The following EYS variants were observed in gnomAD, a reference collection of about 807,000 sequenced individuals.
EYS encodes protein eyes shut homolog.
In EYS, 250 loss-of-function variants were observed where a neutral mutation model predicts 282.1. The observed-to-expected ratio is 0.89, with a 90% CI of 0.80 to 0.98. The LOEUF is 0.98. Among genes scored for constraint, EYS ranks in the 50% least tolerant of loss-of-function variants. EYS has a pLI of 0.00. For synonymous variants in EYS, 1,355 were observed against 1,282.9 expected, an observed-to-expected ratio of 1.06 and a Z score of -1.20; for missense variants, 4,016 against 3,709.0, an observed-to-expected ratio of 1.08 and a Z score of -2.15.
intron 12 of EYS, among the ~76,000 whole-genome samples, chr6:65,290,238 ACT>A (rs969365693): frequency 1.9e-4 from 29 of 151,148 alleles, no homozygotes; most frequent in Non-Finnish European, 3.3e-4. Context: ...TGGAGAAAGG[ACT>A]CTGTCATTAA....
At chr6:65,192,829 T>A (rs1765674386) in intron 12 of EYS, among the ~76,000 whole-genome samples, 1 of 151,838 alleles carries the variant, frequency 6.6e-6, no homozygotes, top group African/African-American at 2.4e-5. Flanking sequence ...GTACATAAAA[T>A]ATTTTCTCAC....
At chr6:63,937,340 CTTTTCTTTTTTTT>C (rs1765089703) in intron 35 of EYS, among the ~76,000 whole-genome samples, 2 of 46,090 alleles carry the variant, frequency 4.3e-5, no homozygotes, top group Non-Finnish European at 9.3e-5. Flanking sequence ...AGGCTTCTCT[CTTTTCTTTTTTTT>C]TTTTTTTTTT....
chr6:65,633,988 T>A (rs921965398), intron 2 of EYS, among the ~76,000 whole-genome samples: 2 of 152,222 alleles, frequency 1.3e-5, no homozygotes, highest in East Asian at 3.9e-4. Context: ...AAAGTATACT[T>A]CCAGACTCTT....
At chr6:64,652,555 C>G (rs906639450) in intron 22 of EYS, among the ~76,000 whole-genome samples, 5 of 152,188 alleles carry the variant, frequency 3.3e-5, no homozygotes, top group African/African-American at 1.2e-4. Flanking sequence ...CCCCAACAAA[C>G]ACTCTGATTT....
intron 8 of EYS, among the ~76,000 whole-genome samples, chr6:65,358,599 AGTGTGTGTGT>A (rs61588307): frequency 5.9e-4 from 83 of 140,842 alleles, no homozygotes; most frequent in South Asian, 9.6e-4. Context: ...AGGTTTCTGA[AGTGTGTGTGT>A]GTGTGTGTGT....
intron 2 of EYS, among the ~76,000 whole-genome samples, chr6:65,526,831 G>T (rs912026075): frequency 1.3e-5 from 2 of 151,988 alleles, no homozygotes; most frequent in African/African-American, 4.8e-5. Context: ...ATTTAAAAAA[G>T]ACTGCTAATC....
At chr6:64,965,136 A>G (rs1423198281) in intron 14 of EYS, among the ~76,000 whole-genome samples, 1 of 152,176 alleles carries the variant, frequency 6.6e-6, no homozygotes, top group Non-Finnish European at 1.5e-5. Context: ...TAAAACTGCA[A>G]AATTGAAGCA....
intron 15 of EYS, among the ~76,000 whole-genome samples, chr6:64,939,442 GA>G (rs1323137166): frequency 6.6e-6 from 1 of 151,866 alleles, no homozygotes; most frequent in African/African-American, 2.4e-5. Context: ...TATCTAGAAA[GA>G]CTGATTATGT....
chr6:65,173,066 G>T (rs891911914), intron 12 of EYS, among the ~76,000 whole-genome samples: 1 of 151,154 alleles, frequency 6.6e-6, no homozygotes. Flanking sequence ...GCTTTATCAA[G>T]AAGATAATAA....
intron 26 of EYS, among the ~76,000 whole-genome samples, chr6:64,440,562 A>T (rs1949180556): frequency 6.6e-6 from 1 of 152,088 alleles, no homozygotes; most frequent in South Asian, 2.1e-4. Context: ...TTCAATTTTG[A>T]CATTCTAATT....
chr6:65,384,533 A>C, intron 7 of EYS, 33 bp from the exon 8 acceptor site: 1 of 1,050,508 alleles, frequency 9.5e-7, no homozygotes, highest in South Asian at 1.3e-5. Flanking sequence ...TAGAAAAATT[A>C]TAATTTAAAT....
At chr6:64,219,367 T>C (rs1456115181) in intron 31 of EYS, among the ~76,000 whole-genome samples, 1 of 152,236 alleles carries the variant, frequency 6.6e-6, no homozygotes, top group East Asian at 1.9e-4. Context: ...AGAAATCTGA[T>C]AGAACATTTC....
chr6:64,860,997 C>T (rs926299056), intron 19 of EYS, among the ~76,000 whole-genome samples: 3 of 152,284 alleles, frequency 2.0e-5, no homozygotes, highest in Admixed American at 1.3e-4. Flanking sequence ...GAAAAAGCAC[C>T]ATGAGTTCCT....
At chr6:64,216,103 T>C (rs1765918688) in intron 31 of EYS, among the ~76,000 whole-genome samples, 1 of 152,136 alleles carries the variant, frequency 6.6e-6, no homozygotes, top group African/African-American at 2.4e-5. Context: ...AGGCATTGGA[T>C]TGTGAAGGAC....
At chr6:64,016,720 C>T (rs1267781955) in intron 33 of EYS, among the ~76,000 whole-genome samples, 1 of 152,006 alleles carries the variant, frequency 6.6e-6, no homozygotes, top group East Asian at 1.9e-4. Context: ...AAGCTATCTG[C>T]CTATGTTGGC....
chr6:65,640,501 A>C (rs902868037), intron 1 of EYS, among the ~76,000 whole-genome samples: 1 of 152,208 alleles, frequency 6.6e-6, no homozygotes, highest in African/African-American at 2.4e-5. Context: ...TGTTGAAAGC[A>C]AAATCAGCTA....
intron 29 of EYS, among the ~76,000 whole-genome samples, chr6:64,382,929 G>A (rs1772795254): frequency 1.3e-5 from 2 of 152,132 alleles, no homozygotes; most frequent in Non-Finnish European, 2.9e-5. Context: ...CTGTTGGGTA[G>A]GAGCCAGTTT....
chr6:64,808,050 T>G (rs1011278814), intron 22 of EYS, among the ~76,000 whole-genome samples: 4 of 92,718 alleles, frequency 4.3e-5, no homozygotes, highest in African/African-American at 1.4e-4. Flanking sequence ...CTCCTTTCCC[T>G]TCTTCCCTTC....
At chr6:64,600,636 T>C (rs892659624) in intron 24 of EYS, among the ~76,000 whole-genome samples, 1 of 152,076 alleles carries the variant, frequency 6.6e-6, no homozygotes, top group Non-Finnish European at 1.5e-5. Context: ...TTATGCCAAA[T>C]TGATTTGTAT....
Sources: gnomAD v4.1 joint callset for allele counts (sites outside exome capture counted in the v4.1 genomes callset) on GRCh38, gnomAD v4.1.1 for gene constraint, MANE v1.5 for transcripts, NCBI Gene and HGNC (gene_info 2026-07-23, HGNC 2026-07-21) for gene names.